Variants in DENND1A observed in about 807,000 individuals in gnomAD.
DENND1A encodes DENN domain containing 1A.
DENND1A carries 51 observed loss-of-function variants against 113.7 expected under a neutral mutation model. The ratio of observed to expected loss-of-function variants is 0.45; its 90% confidence interval spans 0.36 to 0.57. The LOEUF (loss-of-function observed/expected upper bound fraction) is 0.57. Ranked by LOEUF, DENND1A falls within the 20% of genes least tolerant of loss-of-function variation. The pLI is 0.00. For missense variants in DENND1A, 1,258 were observed against 1,395.9 expected, an observed-to-expected ratio of 0.90 and a Z score of 1.57; for synonymous variants, 565 against 570.8, an observed-to-expected ratio of 0.99 and a Z score of 0.14.
At chr9:123,668,528 A>C (rs2063600813) in intron 7 of DENND1A, among the ~76,000 whole-genome samples, 1 of 152,210 alleles carries the variant, frequency 6.6e-6, no homozygotes, top group Admixed American at 6.5e-5. Context: ...ATTAATGCTC[A>C]CAGAGGTCAA....
Position 123,557,767 on chromosome 9 carries a change from A to G in DENND1A, c.868-72T>C, listed in dbSNP as rs887888251. 11 of 1,549,268 alleles carry G rather than the reference A, an allele frequency of 7.1e-6. No homozygotes were observed. The African/African-American group carries it at 1.4e-4, about 19-fold the overall frequency. On this transcript the variant is annotated intron_variant, in intron 12 of 23. Coordinates refer to ENST00000394215, the MANE Select transcript of DENND1A (RefSeq NM_001352964.2). ...TAGGGTGGCTGACTAAGCCCACTAC[A>G]TATGGAGCCCTGGAAGATCCTACGG...
chr9:123,400,194 T>A (rs1430907181), intron 21 of DENND1A: 2 of 152,248 alleles, frequency 1.3e-5, no homozygotes, highest in Admixed American at 1.3e-4. Flanking sequence ...AAAGTCTTCT[T>A]CCAATTGCCA....
At chr9:123,740,372 A>T (rs1446981342) in intron 5 of DENND1A, among the ~76,000 whole-genome samples, 1 of 152,214 alleles carries the variant, frequency 6.6e-6, no homozygotes, top group African/African-American at 2.4e-5. Flanking sequence ...GAGCACAGGT[A>T]CAGAAGATAA....
chr9:123,557,967 G>A (rs1161311187), intron 12 of DENND1A, among the ~76,000 whole-genome samples: 1 of 151,538 alleles, frequency 6.6e-6, no homozygotes, highest in Non-Finnish European at 1.5e-5. Flanking sequence ...ACTCCAGCCT[G>A]GGCGACAGAG....
intron 19 of DENND1A, among the ~76,000 whole-genome samples, chr9:123,419,879 G>C (rs2045097033): frequency 6.6e-6 from 1 of 152,198 alleles, no homozygotes; most frequent in Non-Finnish European, 1.5e-5. Flanking sequence ...CTGCTTGCGG[G>C]GGAGGATCAA....
At chr9:123,518,460 C>T (rs2054119044) in intron 13 of DENND1A, among the ~76,000 whole-genome samples, 1 of 152,148 alleles carries the variant, frequency 6.6e-6, no homozygotes, top group East Asian at 1.9e-4. Flanking sequence ...CAGTAAAATG[C>T]TAATTGAGTT....
At chr9:123,389,914 C>T (rs1310713079) in intron 21 of DENND1A, among the ~76,000 whole-genome samples, 1 of 152,212 alleles carries the variant, frequency 6.6e-6, no homozygotes, top group Non-Finnish European at 1.5e-5. Flanking sequence ...AGTCTCCATG[C>T]TGTGTGTTGG....
intron 2 of DENND1A, among the ~76,000 whole-genome samples, chr9:123,828,722 C>G (rs1839757076): frequency 6.6e-6 from 1 of 150,426 alleles, no homozygotes; most frequent in African/African-American, 2.4e-5. Context: ...ACAATGTAAG[C>G]CAGAAGACAA....
chr9:123,693,809 A>ATTATTATTAT (rs2080282137), intron 5 of DENND1A, among the ~76,000 whole-genome samples: 1 of 137,988 alleles, frequency 7.2e-6, no homozygotes, highest in Non-Finnish European at 1.5e-5. Flanking sequence ...TAGCTATATT[A>ATTATTATTAT]TTATTATTAT....
intron 5 of DENND1A, among the ~76,000 whole-genome samples, chr9:123,745,682 T>C (rs1191167995): frequency 2.0e-5 from 3 of 152,242 alleles, no homozygotes; most frequent in Non-Finnish European, 2.9e-5. Flanking sequence ...GTATAGCTCT[T>C]CAAGAATGTT....
chr9:123,416,638 G>C (rs114551971), intron 19 of DENND1A, among the ~76,000 whole-genome samples: 31 of 152,308 alleles, frequency 2.0e-4, no homozygotes, highest in African/African-American at 7.0e-4. Context: ...AGTTCAATTC[G>C]ACAGTTCCTC....
At chr9:123,507,646 T>C (rs2053074290) in intron 13 of DENND1A, among the ~76,000 whole-genome samples, 1 of 151,262 alleles carries the variant, frequency 6.6e-6, no homozygotes, top group Non-Finnish European at 1.5e-5. Context: ...CCCAGGAGTT[T>C]GAGACCAGTC....
At chr9:123,711,755 G>A (rs762242489) in intron 5 of DENND1A, among the ~76,000 whole-genome samples, 2 of 151,460 alleles carry the variant, frequency 1.3e-5, no homozygotes, top group South Asian at 2.1e-4. Flanking sequence ...TACCAAACCC[G>A]CCCTGCCTCT....
intron 5 of DENND1A, among the ~76,000 whole-genome samples, chr9:123,677,309 G>C (rs1263765229): frequency 2.0e-5 from 3 of 152,178 alleles, no homozygotes; most frequent in Non-Finnish European, 4.4e-5. Flanking sequence ...TCTACTTCAA[G>C]ATGAGTTCCA....
rs571816547 is a variant in DENND1A at position 123,401,359 on chromosome 9, G to T, written c.1631+2043C>A. On this transcript the variant is annotated intron_variant, in intron 21 of 23. Coordinates refer to ENST00000394215, the MANE Select transcript of DENND1A (RefSeq NM_001352964.2). ...AGCACAGTGGGGGGGTGGGGAAGCAGCATGGGAAGAGGCGTAGAAAAACAC... is the reference window on the plus strand; with the variant it reads ...AGCACAGTGGGGGGGTGGGGAAGCATCATGGGAAGAGGCGTAGAAAAACAC... 2.6e-5 allele frequency: 10 copies of T among 381,948 alleles called. No homozygotes were observed. In the South Asian group the frequency reaches 6.8e-4, roughly 26 times the overall value. 23.7% of individuals were successfully genotyped at this position (381,948 alleles called of 1,614,324 possible).
intron 5 of DENND1A, among the ~76,000 whole-genome samples, chr9:123,745,654 T>G (rs1253236530): frequency 6.6e-6 from 1 of 152,222 alleles, no homozygotes; most frequent in African/African-American, 2.4e-5. Flanking sequence ...TACACAGAAG[T>G]TAAGTCTATG....
chr9:123,765,382 T>C (rs1365141469), intron 4 of DENND1A, among the ~76,000 whole-genome samples: 1 of 152,142 alleles, frequency 6.6e-6, no homozygotes, highest in African/African-American at 2.4e-5. Context: ...TGTAATCTTT[T>C]ATTACAGGAA....
chr9:123,861,767 AAG>A (rs1450315841), intron 2 of DENND1A, among the ~76,000 whole-genome samples: 1 of 152,082 alleles, frequency 6.6e-6, no homozygotes, highest in African/African-American at 2.4e-5. Flanking sequence ...TAAATCAACA[AAG>A]AGGGGTTTTC....
At position 123,422,850 on chromosome 9, in the gene DENND1A, C is replaced by T. The variant is rs1564460090; in HGVS notation, c.1489-11021G>A. Among the ~76,000 whole-genome samples the T allele has an allele frequency of 6.6e-6, 1 of 152,084 alleles. No homozygotes were observed. Among genetic ancestry groups the T allele is most frequent in the African/African-American group, 2.4e-5 (1 of 41,408 alleles). On this transcript the variant is annotated intron_variant, in intron 19 of 23. Coordinates refer to ENST00000394215, the MANE Select transcript of DENND1A (RefSeq NM_001352964.2). The surrounding 1 kb of genome is among the most constrained non-coding windows in gnomAD (Gnocchi z 4.8). Reference sequence around the variant, plus strand: ...CGCCCTTGTAATGATCAGCTCTGGTCGATGTGCTTACCGCAGCAGCCCCTG... The same window carrying T: ...CGCCCTTGTAATGATCAGCTCTGGTTGATGTGCTTACCGCAGCAGCCCCTG...
Sources: allele counts gnomAD v4.1 joint callset (sites outside exome capture counted in the v4.1 genomes callset), GRCh38; gene constraint gnomAD v4.1.1; non-coding constraint Gnocchi (gnomAD v3.1); transcripts MANE v1.5; gene names NCBI Gene and HGNC (gene_info 2026-07-23, HGNC 2026-07-21).